The following TRPM4 variants were observed in gnomAD, a reference collection of about 807,000 sequenced individuals.
TRPM4 encodes calcium-activated non-selective cation channel 1.
TRPM4 carries 124 observed loss-of-function variants against 135.6 expected under a neutral mutation model. The observed-to-expected ratio is 0.91, with a 90% CI of 0.79 to 1.06. The LOEUF (loss-of-function observed/expected upper bound fraction) is 1.06. Among genes scored for constraint, TRPM4 ranks in the 50% least tolerant of loss-of-function variants. The probability of loss-of-function intolerance (pLI) is 0.00; values close to 1 mark genes in which losing one functional copy is unlikely to be tolerated. For synonymous variants in TRPM4, 745 were observed against 705.6 expected, an observed-to-expected ratio of 1.06 and a Z score of -0.88; for missense variants, 1,658 against 1,671.4, an observed-to-expected ratio of 0.99 and a Z score of 0.14.
In TRPM4 at chr19:49,171,943, T is replaced by C. The variant is rs1967477918; in HGVS notation, c.1051-66T>C. 1.4e-6 allele frequency: 2 copies of C among 1,459,860 alleles called. No individual in the cohort carries two copies. The highest frequency in any genetic ancestry group is 1.4e-5 in the African/African-American group (1 of 71,692). 90.4% of individuals were successfully genotyped at this position (1,459,860 alleles called of 1,614,324 possible). A position where few individuals can be genotyped will look rare whatever the true frequency, so the allele number is the denominator to read the frequency against. ...AGGGGAATGGCCTCCTCCATCCCTTTGGACAGGGCCCAACAGGAGTTGGGG... is the reference window on the plus strand; with the variant it reads ...AGGGGAATGGCCTCCTCCATCCCTTCGGACAGGGCCCAACAGGAGTTGGGG... On this transcript the variant is annotated intron_variant, in intron 8 of 24. Transcript: ENST00000252826. The surrounding 1 kb of genome is among the most constrained non-coding windows in gnomAD (Gnocchi z 4.7).
chr19:49,208,733 C>T (rs1253846165), intron 20 of TRPM4, among the ~76,000 whole-genome samples: 2 of 152,000 alleles, frequency 1.3e-5, no homozygotes, highest in African/African-American at 2.4e-5. Context: ...CTTGTGCCCT[C>T]GGTCTCTTGC....
At chr19:49,176,978 G>A (rs1967720067) in intron 9 of TRPM4, among the ~76,000 whole-genome samples, 1 of 152,160 alleles carries the variant, frequency 6.6e-6, no homozygotes. Context: ...TCTTACAGGA[G>A]TGTTATAAGC....
intron 16 of TRPM4, among the ~76,000 whole-genome samples, chr19:49,192,028 A>T (rs998563429): frequency 6.6e-6 from 1 of 152,102 alleles, no homozygotes; most frequent in Non-Finnish European, 1.5e-5. Context: ...GGGATTTTTC[A>T]CCTATTTTGT....
At chr19:49,189,809 C>T (rs1183216678) in intron 14 of TRPM4, among the ~76,000 whole-genome samples, 1 of 152,110 alleles carries the variant, frequency 6.6e-6, no homozygotes, top group Non-Finnish European at 1.5e-5. Flanking sequence ...ACCCAGAGTC[C>T]CTTGCTGTGG....
chr19:49,190,747 T>C lies in TRPM4; in HGVS notation c.2184T>C (p.Ser728=). 1 of 1,613,976 alleles carries C rather than the reference T, an allele frequency of 6.2e-7. No homozygotes were observed. The highest frequency in any genetic ancestry group is 8.5e-7 in the Non-Finnish European group (1 of 1,179,994). ...AGGAGCTAGAGTTTGACATGGATAGTGTCATTAATGGGGAAGGGCCTGTCG... is the reference window on the plus strand; with the variant it reads ...AGGAGCTAGAGTTTGACATGGATAGCGTCATTAATGGGGAAGGGCCTGTCG... ...TREELEFDMD[S]VINGEGPVGT... Residue 728 remains serine (S), a synonymous_variant, in exon 16 of 25, where the codon AGT becomes AGC. Coordinates refer to ENST00000252826, the MANE Select transcript of TRPM4 (RefSeq NM_017636.4).
At position 49,182,923 on chromosome 19, in the gene TRPM4, G is replaced by C. The variant is rs761126191; in HGVS notation, c.1608+1G>C. 6.3e-7 allele frequency: 1 copy of C among 1,588,986 alleles called. No homozygotes were observed. Among genetic ancestry groups the C allele is most frequent in the Non-Finnish European group, 8.6e-7 (1 of 1,167,880 alleles). Reference sequence around the variant, plus strand: ...CCCAGGCCAGGGCTTCGGGGAGAGCGTAAGGACCGGGCAAAGCTGGGGGGC... The same window carrying C: ...CCCAGGCCAGGGCTTCGGGGAGAGCCTAAGGACCGGGCAAAGCTGGGGGGC... On this transcript the variant is annotated splice_donor_variant, in intron 11 of 24. Transcript: ENST00000252826. LOFTEE classifies it high-confidence loss of function.
chr19:49,198,627 GA>G (rs1968787818), intron 17 of TRPM4, among the ~76,000 whole-genome samples: 2 of 111,852 alleles, frequency 1.8e-5, no homozygotes, highest in Admixed American at 2.3e-4. Context: ...TAGCCTGGGT[GA>G]AAAGAGCAAA....
chr19:49,170,637 C>G (rs918566766), intron 6 of TRPM4, among the ~76,000 whole-genome samples: 1 of 152,156 alleles, frequency 6.6e-6, no homozygotes, highest in African/African-American at 2.4e-5. Context: ...CCTCTGGCTC[C>G]TGGATGGTTA....
chr19:49,200,850 C>T (rs1013096884), intron 19 of TRPM4, 65 bp downstream of exon 19: 4 of 1,547,330 alleles, frequency 2.6e-6, no homozygotes, highest in Non-Finnish European at 3.5e-6. Flanking sequence ...GGGTCTCTGT[C>T]CTCCTGGCTC....
rs1205473192 is a variant in TRPM4, at chr19:49,160,835, A to G, written c.92+2576A>G. Among the ~76,000 whole-genome samples the G allele has an allele frequency of 2.0e-5, 3 of 151,910 alleles. No homozygotes were observed. The East Asian group carries it at 5.8e-4, about 29-fold the overall frequency. On this transcript the variant is annotated intron_variant, in intron 2 of 24. Coordinates refer to ENST00000252826, the MANE Select transcript of TRPM4 (RefSeq NM_017636.4). ...GAGGGGTAGTGGCCTGAGCCAGGTC[A>G]GGGCTTTCGGGACACAGAGAGGAGG...
At chr19:49,197,404 CTTTTCT>C (rs1237522375) in intron 17 of TRPM4, among the ~76,000 whole-genome samples, 14 of 123,732 alleles carry the variant, frequency 1.1e-4, no homozygotes, top group Non-Finnish European at 2.0e-4. Flanking sequence ...CTTTTCCTTT[CTTTTCT>C]TTTTCTTTTT....
intron 9 of TRPM4, among the ~76,000 whole-genome samples, chr19:49,179,581 C>T (rs1967837672): frequency 6.6e-6 from 1 of 152,038 alleles, no homozygotes; most frequent in African/African-American, 2.4e-5. Context: ...AACTCCTGAG[C>T]TCAGGCGATC....
At position 49,210,758 on chromosome 19, in the gene TRPM4, C is replaced by G. The variant is rs567938424; in HGVS notation, c.3377C>G (p.Ser1126Trp). Residue 1126 changes from serine (S) to tryptophan (W), a missense_variant, in exon 22 of 25, where the codon TCG becomes TGG. This residue lies in a region of TRPM4 where 1,412 missense variants were observed against 1,408.7 expected (regional missense o/e 1.00). Transcript: ENST00000252826. The surrounding 1 kb of genome is among the most constrained non-coding windows in gnomAD (Gnocchi z 4.1). Reference protein sequence around the residue: ...EAERKLLTWESVHKENFLLAR... With the variant: ...EAERKLLTWEWVHKENFLLAR... ...GAGCGGAAGCTGCTAACGTGGGAATCGGTGCATAAGGAGAACTTTCTGCTG... is the reference window on the plus strand; with the variant it reads ...GAGCGGAAGCTGCTAACGTGGGAATGGGTGCATAAGGAGAACTTTCTGCTG... 241 of 1,614,146 alleles carry G rather than the reference C, an allele frequency of 1.5e-4. 3 individuals carry two copies. The South Asian group carries it at 2.4e-3, about 16-fold the overall frequency.
rs1445958002 is a variant in TRPM4, at chr19:49,200,391, A to G, written c.2737A>G (p.Asn913Asp). Residue 913 changes from asparagine to aspartate, a missense_variant, in exon 18 of 25, where the codon AAC (asparagine) becomes GAC (aspartate). Transcript: ENST00000252826. ...GCGGCTGCTTCACATCTTCACGGTCAACAAACAGCTGGGGCCCAAGATCGT... is the reference window on the plus strand; with the variant it reads ...GCGGCTGCTTCACATCTTCACGGTCGACAAACAGCTGGGGCCCAAGATCGT... ...TVRLLHIFTV[N>D]KQLGPKIVIV... The G allele has an allele frequency of 6.2e-7, 1 of 1,613,874 alleles. No individual in the cohort carries two copies. Among genetic ancestry groups the G allele is most frequent in the African/African-American group, 1.3e-5 (1 of 74,862 alleles).
At chr19:49,168,170 C>A in intron 4 of TRPM4, 73 bp downstream of exon 4, 2 of 1,587,950 alleles carry the variant, frequency 1.3e-6, no homozygotes, top group Admixed American at 1.7e-5. Context: ...CTGTGGGTGG[C>A]CTCCCCCGCC....
In TRPM4 at chr19:49,210,889, A is replaced by G. The variant is rs1333575926; in HGVS notation, c.3461+47A>G. 1 of 1,580,580 alleles carries G rather than the reference A, an allele frequency of 6.3e-7. No individual in the cohort carries two copies. Among genetic ancestry groups the G allele is most frequent in the South Asian group, 1.1e-5 (1 of 88,100 alleles). On this transcript the variant is annotated intron_variant, in intron 22 of 24. Coordinates refer to ENST00000252826, the MANE Select transcript of TRPM4 (RefSeq NM_017636.4). This position sits in a 1 kb window ranked among gnomAD's most constrained non-coding sequence, Gnocchi z 4.1. ...GGATGGGGCTTCTGGCCTGGGGCGGATCCTGACTTCAGCTGAAGGCAGGGT... is the reference window on the plus strand; with the variant it reads ...GGATGGGGCTTCTGGCCTGGGGCGGGTCCTGACTTCAGCTGAAGGCAGGGT...
chr19:49,162,266 C>T (rs2048685779), intron 2 of TRPM4, among the ~76,000 whole-genome samples: 1 of 152,134 alleles, frequency 6.6e-6, no homozygotes. Flanking sequence ...AGGCCAGGCA[C>T]AGTGACTCAC....
At chr19:49,180,282 T>C (rs1456495443) in intron 9 of TRPM4, among the ~76,000 whole-genome samples, 3 of 152,096 alleles carry the variant, frequency 2.0e-5, no homozygotes, top group Non-Finnish European at 4.4e-5. Flanking sequence ...TTTTAAGGGT[T>C]TCTGGTTCTC....
At position 49,188,775 on chromosome 19, in the gene TRPM4, G is replaced by A. The variant is rs1387031099; in HGVS notation, c.1873+5G>A. ...AGTTTGAGGGGATGGGCGTTGGTGC[G>A]TGGGGCACGGTGCCTGGGAGCAGGG... On this transcript the variant is annotated splice_donor_5th_base_variant and intron_variant, in intron 13 of 24. Transcript: ENST00000252826. 2.5e-6 allele frequency: 4 copies of A among 1,613,824 alleles called. No individual in the cohort carries two copies. The highest frequency in any genetic ancestry group is 1.3e-5 in the African/African-American group (1 of 74,924).
Sources: allele counts gnomAD v4.1 joint callset (sites outside exome capture counted in the v4.1 genomes callset), GRCh38; gene constraint gnomAD v4.1.1; regional missense constraint gnomAD v4.1.1; non-coding constraint Gnocchi (gnomAD v3.1); transcripts MANE v1.5; gene names NCBI Gene and HGNC (gene_info 2026-07-23, HGNC 2026-07-21).